TEX15: variants seen among roughly 807,000 people sequenced by gnomAD.
TEX15 encodes the protein testis expressed 15, meiosis and synapsis associated.
Under a neutral mutation model 237.3 loss-of-function variants are expected in TEX15, and 171 were observed. The ratio of observed to expected loss-of-function variants is 0.72; its 90% CI spans 0.64 to 0.82. TEX15 has a LOEUF of 0.82. Ranked by LOEUF, TEX15 falls within the 40% of genes least tolerant of loss-of-function variation. TEX15 has a pLI of 0.00. For missense variants in TEX15, 3,750 were observed against 3,646.5 expected (o/e 1.03, Z -0.73); for synonymous variants, 1,338 against 1,269.8 (o/e 1.05, Z -1.14).
intron 1 of TEX15, among the ~76,000 whole-genome samples, chr8:30,906,507 G>A (rs762075810): frequency 1.6e-4 from 24 of 151,290 alleles, no homozygotes; most frequent in Non-Finnish European, 3.1e-4. Flanking sequence ...GGAGAGTGAT[G>A]TGAACCCGGG....
intron 7 of TEX15, among the ~76,000 whole-genome samples, chr8:30,856,073 G>A (rs937375213): frequency 1.3e-5 from 2 of 152,008 alleles, no homozygotes; most frequent in Non-Finnish European, 2.9e-5. Flanking sequence ...AGCCTCCCAC[G>A]TAGCTGGGAT....
intron 1 of TEX15, among the ~76,000 whole-genome samples, chr8:30,908,900 A>T (rs1035292560): frequency 3.3e-5 from 5 of 152,218 alleles, no homozygotes; most frequent in African/African-American, 1.2e-4. Context: ...AGAACCCTCT[A>T]GAATACTAGA....
At chr8:30,853,321 C>T (rs1333251320) in intron 7 of TEX15, among the ~76,000 whole-genome samples, 1 of 152,148 alleles carries the variant, frequency 6.6e-6, no homozygotes, top group Admixed American at 6.5e-5. Flanking sequence ...CTTGAACAAA[C>T]TATAAAACAA....
chr8:30,844,684 G>A lies in TEX15; in HGVS notation c.5483C>T (p.Ser1828Phe), dbSNP rs1480315380. The change falls in exon 8 of 11, where the codon TCC (serine) becomes TTC (phenylalanine). Residue 1828 changes from serine (S) to phenylalanine (F), a missense_variant. By Grantham distance (155) the Ser-to-Phe change is radical (BLOSUM62 -2). Transcript: ENST00000643185. ...SLLLKDNVKG[S>F]SSETCIVKKD... is the part of the protein sequence containing the mutation. ...CTTCACAATACATGTTTCTGAAGAG[G>A]AGCCTTTTACATTATCTTTTAAAAG... is the stretch of plus-strand genomic sequence containing the variant. 7 of 1,613,048 alleles carry A rather than the reference G, an allele frequency of 4.3e-6. No individual in the cohort carries two copies. Among genetic ancestry groups the A allele is most frequent in the Middle Eastern group, 1.6e-4 (1 of 6,082 alleles).
At position 30,860,059 on chromosome 8, in the gene TEX15, T is replaced by TAAAAAAAAAAAGCC; in HGVS notation, c.541-3_541-2insGGCTTTTTTTTTTT. The TAAAAAAAAAAAGCC allele has an allele frequency of 8.7e-7, 1 of 1,154,858 alleles. No individual in the cohort carries two copies. Among genetic ancestry groups the TAAAAAAAAAAAGCC allele is most frequent in the Non-Finnish European group, 1.1e-6 (1 of 884,598 alleles). 71.5% of individuals were successfully genotyped at this position (1,154,858 alleles called of 1,614,324 possible). A position where few individuals can be genotyped will look rare whatever the true frequency, so the allele number is the denominator to read the frequency against. Reference sequence around the variant, plus strand: ...TTTCTTCACTTTTCCAAAGAGAACCTAAAAAAAAAAAAGCCAAAAAAAAAG... The same window carrying TAAAAAAAAAAAGCC: ...TTTCTTCACTTTTCCAAAGAGAACCTAAAAAAAAAAAGCCAAAAAAAAAAAAGCCAAAAAAAAAG... On this transcript the variant is annotated splice_region_variant and splice_polypyrimidine_tract_variant and intron_variant, in intron 5 of 10. Coordinates refer to ENST00000643185, the MANE Select transcript of TEX15 (RefSeq NM_001350162.2).
Position 30,849,259 on chromosome 8 carries a change from TCTTTTC to T in TEX15, c.902_907del (p.Gly301_Lys302del). The T allele has an allele frequency of 6.5e-7, 1 of 1,535,310 alleles. No homozygotes were observed. The highest frequency in any genetic ancestry group is 8.7e-7 in the Non-Finnish European group (1 of 1,146,710). ...GAAATGCACAAAGGTGACAGTAGCA[TCTTTTC>T]CTTTTCCAAATCTTTTGGCCACTGT... On this transcript the variant is annotated inframe_deletion, in exon 8 of 11. Transcript: ENST00000643185.
chr8:30,843,580 G>A lies in TEX15; in HGVS notation c.6587C>T (p.Thr2196Ile). The change falls in exon 8 of 11, where the codon ACC (threonine) becomes ATC (isoleucine). Residue 2196 changes from threonine to isoleucine, a missense_variant. Thr to Ile is a moderately conservative substitution (Grantham distance 89). Coordinates refer to ENST00000643185, the MANE Select transcript of TEX15 (RefSeq NM_001350162.2). ...ACTATCTCCAAAGTTAACTCCACAG[G>A]TAAATGGAACAGAAAGAGAAAAATC... The part of the protein sequence containing the change: ...CFDFSLSVPF[T>I]CGVNFGDSLE... The A allele has an allele frequency of 1.2e-6, 2 of 1,613,004 alleles. No homozygotes were observed. Among genetic ancestry groups the A allele is most frequent in the East Asian group, 4.5e-5 (2 of 44,856 alleles).
chr8:30,873,144 G>C (rs997030439), intron 4 of TEX15, among the ~76,000 whole-genome samples: 1 of 152,100 alleles, frequency 6.6e-6, no homozygotes, highest in Admixed American at 6.6e-5. Flanking sequence ...GTATAAACTT[G>C]AGTAGTTCCA....
intron 1 of TEX15, among the ~76,000 whole-genome samples, chr8:30,912,060 G>A (rs1809231464): frequency 6.6e-6 from 1 of 152,216 alleles, no homozygotes; most frequent in Non-Finnish European, 1.5e-5. Flanking sequence ...CATCCCGGGC[G>A]CGCCAGTCCT....
rs1488829444 is a variant in TEX15, at chr8:30,844,338, T to A, written c.5829A>T (p.Glu1943Asp). The change falls in exon 8 of 11, where the codon GAA (glutamate) becomes GAT (aspartate). Residue 1943 changes from glutamate (E) to aspartate (D), a missense_variant. Physicochemically the swap from Glu to Asp is conservative, Grantham distance 45. Coordinates refer to ENST00000643185, the MANE Select transcript of TEX15 (RefSeq NM_001350162.2). ...TTCCTGGTTTGGAAATATAGGCTAT[T>A]TCTGAATGTAATGTCAAGTCAGACT... is the stretch of plus-strand genomic sequence containing the variant. ...DSQSDLTLHS[E>D]IAYISKPGIL... The A allele has an allele frequency of 1.1e-5, 17 of 1,612,432 alleles. No homozygotes were observed. The highest frequency in any genetic ancestry group is 1.4e-5 in the Non-Finnish European group (16 of 1,179,386).
chr8:30,912,811 TTTTAA>T (rs1378002488), intron 1 of TEX15, 63 bp downstream of exon 1: 4 of 152,264 alleles, frequency 2.6e-5, no homozygotes, highest in African/African-American at 9.6e-5. Context: ...CACTCCTTAA[TTTTAA>T]TTTACCTCAC....
Position 30,883,717 on chromosome 8 carries a change from A to G in TEX15, c.136+3450T>C, listed in dbSNP as rs139149870. On this transcript the variant is annotated intron_variant, in intron 3 of 10. Transcript: ENST00000643185. ...TATGGCCGCATATTCCATGATGTAT[A>G]TATACCACATTTTCTTAATCCAGTC... Among the ~76,000 whole-genome samples, 4 of 152,290 alleles carry G rather than the reference A, an allele frequency of 2.6e-5. No individual in the cohort carries two copies. The East Asian group carries it at 7.7e-4, about 29-fold the overall frequency.
In TEX15 at chr8:30,874,906, TCTCAAACA is replaced by T. The variant is rs1808369851; in HGVS notation, c.302+23_302+30del. On this transcript the variant is annotated intron_variant, in intron 4 of 10. Coordinates refer to ENST00000643185, the MANE Select transcript of TEX15 (RefSeq NM_001350162.2). Reference sequence around the variant, plus strand: ...CTCCATAGTAACAAACACAACAAAATCTCAAACACGTTTAGATCATAGTAACTTACCTC... The same window carrying T: ...CTCCATAGTAACAAACACAACAAAATCGTTTAGATCATAGTAACTTACCTC... 3 of 1,240,096 alleles carry T rather than the reference TCTCAAACA, an allele frequency of 2.4e-6. No homozygotes were observed. In the African/African-American group the frequency reaches 4.6e-5, roughly 19 times the overall value. The allele number at this position is 1,240,096 out of a possible 1,614,324, so 76.8% of individuals were successfully genotyped here.
In TEX15 at chr8:30,846,311, A is replaced by T. The variant is rs1015207463; in HGVS notation, c.3856T>A (p.Tyr1286Asn). 16 of 1,612,820 alleles carry T rather than the reference A, an allele frequency of 9.9e-6. No individual in the cohort carries two copies. In the African/African-American group the frequency reaches 1.7e-4, roughly 18 times the overall value. ...RCFFTKSKTD[Y>N]NDTKNKKEVE... ...TCCTTTTTATTTTTGGTATCATTAT[A>T]GTCAGTTTTTGATTTTGTAAAGAAA... The change falls in exon 8 of 11, where the codon TAT becomes AAT. Residue 1286 changes from tyrosine to asparagine, a missense_variant. Physicochemically the swap from Tyr to Asn is moderately radical, Grantham distance 143. Transcript: ENST00000643185.
rs186035320 is a variant in TEX15, at chr8:30,895,033, A to G, written c.-10+3709T>C. Among the ~76,000 whole-genome samples the G allele has an allele frequency of 2.4e-3, 360 of 152,286 alleles. 2 individuals carry two copies. Among genetic ancestry groups the G allele is most frequent in the African/African-American group, 7.6e-3 (314 of 41,574 alleles). On this transcript the variant is annotated intron_variant, in intron 2 of 10. Transcript: ENST00000643185. The stretch of plus-strand genomic sequence containing the variant: ...TGTGACAAAGAAATTTCTGTTGTCT[A>G]TAAGTTACCCAGTTTATGGTATTTT...
chr8:30,911,619 G>C (rs1809221282), intron 1 of TEX15, among the ~76,000 whole-genome samples: 1 of 152,180 alleles, frequency 6.6e-6, no homozygotes, highest in South Asian at 2.1e-4. Flanking sequence ...GGGCGTTGGG[G>C]TGCTTCACAC....
intron 8 of TEX15, among the ~76,000 whole-genome samples, chr8:30,841,666 G>A (rs1352095784): frequency 1.3e-5 from 2 of 152,096 alleles, no homozygotes; most frequent in Admixed American, 1.3e-4. Flanking sequence ...ATACAGAAAA[G>A]CTACTCAATA....
chr8:30,866,716 GACACACACATAC>G (rs1191575377), intron 5 of TEX15, among the ~76,000 whole-genome samples: 2 of 147,920 alleles, frequency 1.4e-5, no homozygotes, highest in Admixed American at 1.4e-4. Context: ...ACAAGGCTTT[GACACACACATAC>G]ACACACACAC....
intron 1 of TEX15, among the ~76,000 whole-genome samples, chr8:30,903,841 A>C (rs1809048407): frequency 6.6e-6 from 1 of 152,228 alleles, no homozygotes; most frequent in Non-Finnish European, 1.5e-5. Context: ...GGTCCTTGAA[A>C]TCAGATATGG....
Sources: gnomAD v4.1 joint callset for allele counts (sites outside exome capture counted in the v4.1 genomes callset) on GRCh38, gnomAD v4.1.1 for gene constraint, MANE v1.5 for transcripts, NCBI Gene and HGNC (gene_info 2026-07-23, HGNC 2026-07-21) for gene names.